Variants in SAMD9 observed in about 807,000 individuals in gnomAD.
SAMD9 encodes the protein sterile alpha motif domain-containing protein 9.
Under a neutral mutation model 1.5 loss-of-function variants are expected in SAMD9, and 3 were observed. The observed-to-expected ratio is 2.05, with a 90% CI of 0.93 to 5.29. The LOEUF (loss-of-function observed/expected upper bound fraction) is 5.29, where lower values mean the gene tolerates loss of function less well. Among genes scored for constraint, SAMD9 ranks in the 30% most tolerant of loss-of-function variants. SAMD9 has a pLI of 0.02. For synonymous variants in SAMD9, 635 were observed against 631.9 expected, an observed-to-expected ratio of 1.00 and a Z score of -0.07; for missense variants, 1,597 against 1,820.8, an observed-to-expected ratio of 0.88 and a Z score of 2.24.
In SAMD9 at chr7:93,105,578, G is replaced by T. The variant is rs373775990; in HGVS notation, c.520C>A (p.Arg174Ser). 3 of 1,614,076 alleles carry T rather than the reference G, an allele frequency of 1.9e-6. No individual in the cohort carries two copies. In the South Asian group the frequency reaches 3.3e-5, roughly 18 times the overall value. Residue 174 changes from arginine (R) to serine (S), a missense_variant, in exon 3 of 3, where the codon CGT (arginine) becomes AGT (serine). Coordinates refer to ENST00000379958, the MANE Select transcript of SAMD9 (RefSeq NM_017654.4). ...YPFDEFSNPY[R>S]YKLDFSLQPE... is the part of the protein sequence containing the mutation. Reference sequence around the variant, plus strand: ...TGTAGACTAAAATCCAACTTGTAACGATATGGATTACTGAATTCATCAAAT... The same window carrying T: ...TGTAGACTAAAATCCAACTTGTAACTATATGGATTACTGAATTCATCAAAT...
At position 93,103,373 on chromosome 7, in the gene SAMD9, T is replaced by A; in HGVS notation, c.2725A>T (p.Asn909Tyr). The change falls in exon 3 of 3, where the codon AAT becomes TAT. Residue 909 changes from asparagine (N) to tyrosine (Y), a missense_variant. Physicochemically the swap from Asn to Tyr is moderately radical, Grantham distance 143 (BLOSUM62 -2). Coordinates refer to ENST00000379958, the MANE Select transcript of SAMD9 (RefSeq NM_017654.4). ...AGCTTTGCTTCCTTGGTGAAAATAT[T>A]CTGCCCTTTCAGGATATTCCGGACC... ...NVVRNILKGQ[N>Y]IFTKEAKLFS... 6.2e-7 allele frequency: 1 copy of A among 1,613,438 alleles called. No homozygotes were observed. The highest frequency in any genetic ancestry group is 8.5e-7 in the Non-Finnish European group (1 of 1,179,466).
chr7:93,102,696 C>A lies in SAMD9; in HGVS notation c.3402G>T (p.Trp1134Cys). 1 of 1,613,868 alleles carries A rather than the reference C, an allele frequency of 6.2e-7. No individual in the cohort carries two copies. Among genetic ancestry groups the A allele is most frequent in the African/African-American group, 1.3e-5 (1 of 75,038 alleles). The change falls in exon 3 of 3, where the codon TGG (tryptophan) becomes TGT (cysteine). Residue 1134 changes from tryptophan (W) to cysteine (C), a missense_variant. By Grantham distance (215) the Trp-to-Cys change is radical. Around this residue, in one of 6 missense-constraint regions of SAMD9, gnomAD observed 682 missense variants for 810.0 expected, o/e 0.84. Transcript: ENST00000379958. The part of the protein sequence containing the change: ...GQVYKSKIRW[W>C]IEENGGNGNI... ...TCCCGTTTCCTCCGTTTTCCTCTAT[C>A]CACCATCTTATTTTACTTTTGTAGA...
chr7:93,111,719 A>G (rs1186623693), intron 2 of SAMD9, among the ~76,000 whole-genome samples: 4 of 152,218 alleles, frequency 2.6e-5, no homozygotes, highest in Non-Finnish European at 1.5e-5. Context: ...AGAAATGGAT[A>G]AATTCCTCGA....
At chr7:93,113,158 C>A (rs1791774736) in intron 2 of SAMD9, among the ~76,000 whole-genome samples, 1 of 152,172 alleles carries the variant, frequency 6.6e-6, no homozygotes, top group Non-Finnish European at 1.5e-5. Context: ...CACACATCTA[C>A]AACCATCTGA....
chr7:93,104,190 A>G lies in SAMD9; in HGVS notation c.1908T>C (p.Gly636=), dbSNP rs1157765098. Residue 636 remains glycine, a synonymous_variant, in exon 3 of 3, where the codon GGT becomes GGC. Coordinates refer to ENST00000379958, the MANE Select transcript of SAMD9 (RefSeq NM_017654.4). ...CCTTTTTCAGAAGGACAGTCGATAA[A>G]CCAATAGATGGCAAAAGCCTTTTTG... is the stretch of plus-strand genomic sequence containing the variant. ...QSSKRLLPSI[G]LSTVLLKKEE... The G allele has an allele frequency of 1.2e-6, 2 of 1,613,982 alleles. No homozygotes were observed. Among genetic ancestry groups the G allele is most frequent in the Middle Eastern group, 1.6e-4 (1 of 6,062 alleles).
In SAMD9 at chr7:93,105,869, T is replaced by C. The variant is rs74650267; in HGVS notation, c.229A>G (p.Thr77Ala). The C allele has an allele frequency of 1.8e-5, 29 of 1,614,032 alleles. No homozygotes were observed. Among genetic ancestry groups the C allele is most frequent in the Non-Finnish European group, 2.4e-5 (28 of 1,180,020 alleles). Reference protein sequence around the residue: ...IEELFKELRKTAIEDSIQTSK... With the variant: ...IEELFKELRKAAIEDSIQTSK... ...GTCTGAATCGAATCTTCAATGGCTG[T>C]TTTCCGCAATTCTTTGAATAGTTCT... The change falls in exon 3 of 3, where the codon ACA becomes GCA. Residue 77 changes from threonine (T) to alanine (A), a missense_variant. By Grantham distance (58) the Thr-to-Ala change is moderately conservative (BLOSUM62 0). Around this residue, in one of 6 missense-constraint regions of SAMD9, gnomAD observed 498 missense variants for 457.4 expected, o/e 1.09. Transcript: ENST00000379958.
chr7:93,105,385 C>A lies in SAMD9; in HGVS notation c.713G>T (p.Gly238Val), dbSNP rs1416675927. Residue 238 changes from glycine to valine, a missense_variant, in exon 3 of 3, where the codon GGA becomes GTA. Physicochemically the swap from Gly to Val is moderately radical, Grantham distance 109. Around this residue, in one of 6 missense-constraint regions of SAMD9, gnomAD observed 498 missense variants for 457.4 expected, o/e 1.09. Coordinates refer to ENST00000379958, the MANE Select transcript of SAMD9 (RefSeq NM_017654.4). The stretch of plus-strand genomic sequence containing the variant: ...TTTCCCATGGGGTTTGTCTTTGACT[C>A]CAAAATGAATAGTGCCATTGGTACG... ...NSRTNGTIHF[G>V]VKDKPHGKIV... is the part of the protein sequence containing the mutation. 6.2e-7 allele frequency: 1 copy of A among 1,613,742 alleles called. No homozygotes were observed. The highest frequency in any genetic ancestry group is 8.5e-7 in the Non-Finnish European group (1 of 1,179,974).
chr7:93,109,661 C>T (rs1180578090), intron 2 of SAMD9, among the ~76,000 whole-genome samples: 1 of 152,126 alleles, frequency 6.6e-6, no homozygotes, highest in African/African-American at 2.4e-5. Context: ...GTGACGCATG[C>T]ACAAGCTTCA....
Position 93,117,161 on chromosome 7 carries a change from G to A in SAMD9, c.-110+702C>T, listed in dbSNP as rs868091693. Among the ~76,000 whole-genome samples, 104 of 152,316 alleles carry A rather than the reference G, an allele frequency of 6.8e-4. No homozygotes were observed. The Middle Eastern group carries it at 0.017, about 25-fold the overall frequency. ...AGCTCTCAGAGAGTTTTGTTTTCTG[G>A]AAGCTACCTATTTCTTAGAGTAGAT... On this transcript the variant is annotated intron_variant, in intron 1 of 2. Coordinates refer to ENST00000379958, the MANE Select transcript of SAMD9 (RefSeq NM_017654.4).
rs1428248221 is a variant in SAMD9 at position 93,101,618 on chromosome 7, G to A, written c.4480C>T (p.His1494Tyr). 1.9e-6 allele frequency: 3 copies of A among 1,613,820 alleles called. No individual in the cohort carries two copies. Among genetic ancestry groups the A allele is most frequent in the South Asian group, 2.2e-5 (2 of 91,076 alleles). Residue 1494 changes from histidine (H) to tyrosine (Y), a missense_variant, in exon 3 of 3, where the codon CAC becomes TAC. Transcript: ENST00000379958. Reference sequence around the variant, plus strand: ...AAGCACTGGTCAATTTTTCCTTTGTGAACAAGTCTTTCCAGTCTTTTACCT... The same window carrying A: ...AAGCACTGGTCAATTTTTCCTTTGTAAACAAGTCTTTCCAGTCTTTTACCT... The part of the protein sequence containing the change: ...GKGKRLERLV[H>Y]KGKIDQCFKK...
At chr7:93,116,408 C>G (rs1355123011) in intron 1 of SAMD9, among the ~76,000 whole-genome samples, 2 of 152,312 alleles carry the variant, frequency 1.3e-5, no homozygotes, top group African/African-American at 4.8e-5. Context: ...ACTGTTTTCT[C>G]TACTAGAGAC....
At position 93,103,601 on chromosome 7, in the gene SAMD9, G is replaced by C; in HGVS notation, c.2497C>G (p.Leu833Val). ...GGATTTTGTGATCTCATACAATTTA[G>C]GATAATCACCAGAGGTTTTTCATAT... ...IRYEKPLVII[L>V]NCMRSQNPEK... The change falls in exon 3 of 3, where the codon CTA becomes GTA. Residue 833 changes from leucine to valine, a missense_variant. Coordinates refer to ENST00000379958, the MANE Select transcript of SAMD9 (RefSeq NM_017654.4). The C allele has an allele frequency of 6.2e-7, 1 of 1,613,442 alleles. No homozygotes were observed. The highest frequency in any genetic ancestry group is 8.5e-7 in the Non-Finnish European group (1 of 1,179,588).
At position 93,105,052 on chromosome 7, in the gene SAMD9, G is replaced by A. The variant is rs1791608719; in HGVS notation, c.1046C>T (p.Ser349Phe). The A allele has an allele frequency of 1.2e-6, 2 of 1,613,666 alleles. No homozygotes were observed. The highest frequency in any genetic ancestry group is 1.3e-5 in the African/African-American group (1 of 74,826). The change falls in exon 3 of 3, where the codon TCT (serine) becomes TTT (phenylalanine). Residue 349 changes from serine (S) to phenylalanine (F), a missense_variant. Around this residue, in one of 6 missense-constraint regions of SAMD9, gnomAD observed 498 missense variants for 457.4 expected, o/e 1.09. Coordinates refer to ENST00000379958, the MANE Select transcript of SAMD9 (RefSeq NM_017654.4). ...AACTTTATTTTTCGTAATGTCCTTA[G>A]AGCTGGTCCCATCTCGCACAAATAG... ...FSLFVRDGTSSKDITKNKVDF... is the reference protein window; with the variant it reads ...FSLFVRDGTSFKDITKNKVDF...
rs2116419141 is a variant in SAMD9 at position 93,104,342 on chromosome 7, A to G, written c.1756T>C (p.Trp586Arg). The G allele has an allele frequency of 1.2e-6, 2 of 1,613,792 alleles. No individual in the cohort carries two copies. The highest frequency in any genetic ancestry group is 4.5e-5 in the East Asian group (2 of 44,870). The change falls in exon 3 of 3, where the codon TGG (tryptophan) becomes CGG (arginine). Residue 586 changes from tryptophan to arginine, a missense_variant. Around this residue, in one of 6 missense-constraint regions of SAMD9, gnomAD observed 358 missense variants for 460.4 expected, o/e 0.78. Coordinates refer to ENST00000379958, the MANE Select transcript of SAMD9 (RefSeq NM_017654.4). ...AATCTTGCTTCAAGTAGATCTTTCC[A>G]TCCCTGAAATATGTGTGGGTGCACA... ...ICVHPHIFQG[W>R]KDLLEARLIK... is the part of the protein sequence containing the mutation.
At chr7:93,113,260 G>A (rs1791776218) in intron 2 of SAMD9, among the ~76,000 whole-genome samples, 1 of 152,150 alleles carries the variant, frequency 6.6e-6, no homozygotes, top group African/African-American at 2.4e-5. Context: ...TATATAGAAA[G>A]CTGAAACTGG....
At chr7:93,112,157 A>T (rs1015686793) in intron 2 of SAMD9, among the ~76,000 whole-genome samples, 1 of 152,230 alleles carries the variant, frequency 6.6e-6, no homozygotes, top group Non-Finnish European at 1.5e-5. Flanking sequence ...CAACATACAC[A>T]AATCAATAAA....
intron 2 of SAMD9, among the ~76,000 whole-genome samples, chr7:93,108,191 T>C (rs1791676432): frequency 6.6e-6 from 1 of 152,204 alleles, no homozygotes; most frequent in Admixed American, 6.5e-5. Flanking sequence ...TTCTGCTGTG[T>C]GTGCGCGCAG....
rs748098989 is a variant in SAMD9, at chr7:93,106,014, A to C, written c.84T>G (p.Ile28Met). The C allele has an allele frequency of 6.3e-7, 1 of 1,593,932 alleles. No individual in the cohort carries two copies. The highest frequency in any genetic ancestry group is 2.2e-5 in the East Asian group (1 of 44,714). ...DVNQWLESHK[I>M]DQKHREILTE... is the part of the protein sequence containing the mutation. ...TCAAAATTTCCCTGTGTTTTTGGTC[A>C]ATCTTATGACTTTCTAACCACTGAT... The change falls in exon 3 of 3, where the codon ATT (isoleucine) becomes ATG (methionine). Residue 28 changes from isoleucine to methionine, a missense_variant. By Grantham distance (10) the Ile-to-Met change is conservative (BLOSUM62 1). Around this residue, in one of 6 missense-constraint regions of SAMD9, gnomAD observed 498 missense variants for 457.4 expected, o/e 1.09. Transcript: ENST00000379958.
chr7:93,110,633 GA>G (rs1022606769), intron 2 of SAMD9, among the ~76,000 whole-genome samples: 61 of 151,866 alleles, frequency 4.0e-4, no homozygotes, highest in Non-Finnish European at 1.2e-4. Context: ...AATGGAAAAC[GA>G]AAAAAGGCAA....
Sources: gnomAD v4.1 joint callset for allele counts (sites outside exome capture counted in the v4.1 genomes callset) on GRCh38, gnomAD v4.1.1 for gene constraint, gnomAD v4.1.1 regional missense constraint, MANE v1.5 for transcripts, NCBI Gene and HGNC (gene_info 2026-07-23, HGNC 2026-07-21) for gene names.